NCAN: variants seen among roughly 807,000 people sequenced by gnomAD.
The protein encoded by NCAN is neurocan core protein.
In NCAN, 47 loss-of-function variants were observed where a neutral mutation model predicts 121.8. The observed-to-expected ratio is 0.39, with a 90% CI of 0.31 to 0.49. The LOEUF (loss-of-function observed/expected upper bound fraction) is 0.49, where lower values mean the gene tolerates loss of function less well. Among genes scored for constraint, NCAN ranks in the 20% least tolerant of loss-of-function variants. NCAN has a pLI of 0.92. For missense variants in NCAN, 1,517 were observed against 1,773.4 expected (o/e 0.86, Z 2.60); for synonymous variants, 633 against 702.0 (o/e 0.90, Z 1.55).
intron 12 of NCAN, among the ~76,000 whole-genome samples, chr19:19,244,964 G>A (rs1056038736): frequency 6.6e-6 from 1 of 151,732 alleles, no homozygotes; most frequent in South Asian, 2.1e-4. Context: ...CGCCCACCTC[G>A]GCCTCCCAGA....
rs549273380 is a variant in NCAN, at chr19:19,239,905, C to T, written c.3410-698C>T. 1.0e-4 allele frequency among the ~76,000 whole-genome samples: 14 copies of T among 139,272 alleles called. No homozygotes were observed. In the South Asian group the frequency reaches 3.5e-3, roughly 35 times the overall value. The allele number at this position is 139,272 out of a possible 152,430, so 91.4% of individuals were successfully genotyped here. A position where few individuals can be genotyped will look rare whatever the true frequency, so the allele number is the denominator to read the frequency against. ...CTTTCTCCTCCTTTCTCCTTCCCTTCCTCCTCCCTCTTCTCTCCTTCCTCC... is the reference window on the plus strand; with the variant it reads ...CTTTCTCCTCCTTTCTCCTTCCCTTTCTCCTCCCTCTTCTCTCCTTCCTCC... On this transcript the variant is annotated intron_variant, in intron 11 of 14. Coordinates refer to ENST00000252575, the MANE Select transcript of NCAN (RefSeq NM_004386.3).
chr19:19,225,363 A>G lies in NCAN; in HGVS notation c.1072+93A>G. On this transcript the variant is annotated intron_variant, in intron 6 of 14. Transcript: ENST00000252575. The surrounding 1 kb of genome is among the most constrained non-coding windows in gnomAD (Gnocchi z 4.0). The stretch of plus-strand genomic sequence containing the variant: ...CCTCGCCAAGCCAAGGGAGAGACAC[A>G]TGGAAGCTCGCTTTGTGATAAGCCA... 7.3e-7 allele frequency: 1 copy of G among 1,369,612 alleles called. No individual in the cohort carries two copies. The highest frequency in any genetic ancestry group is 9.5e-7 in the Non-Finnish European group (1 of 1,055,736). 84.8% of individuals were successfully genotyped at this position (1,369,612 alleles called of 1,614,324 possible).
intron 1 of NCAN, among the ~76,000 whole-genome samples, chr19:19,214,899 C>T (rs890517783): frequency 3.9e-5 from 6 of 152,152 alleles, no homozygotes; most frequent in African/African-American, 1.4e-4. Flanking sequence ...CCCACACTTG[C>T]TCAGGGTTCC....
In NCAN at chr19:19,224,171, G is replaced by A; in HGVS notation, c.626G>A (p.Gly209Asp). 6.3e-7 allele frequency: 1 copy of A among 1,594,862 alleles called. No homozygotes were observed. Among genetic ancestry groups the A allele is most frequent in the Non-Finnish European group, 8.6e-7 (1 of 1,165,616 alleles). ...GATGGCTTTGACAACTGTGATGCTG[G>A]CTGGCTCTCTGACCGCACTGTTCGG... ...FEDGFDNCDAGWLSDRTVRYP... is the reference protein window; with the variant it reads ...FEDGFDNCDADWLSDRTVRYP... Residue 209 changes from glycine to aspartate, a missense_variant, in exon 4 of 15, where the codon GGC becomes GAC. Transcript: ENST00000252575.
At chr19:19,244,799 G>A (rs1209299809) in intron 12 of NCAN, among the ~76,000 whole-genome samples, 1 of 150,282 alleles carries the variant, frequency 6.7e-6, no homozygotes, top group African/African-American at 2.5e-5. Flanking sequence ...CGCAATCTCG[G>A]CTCACTGCAA....
chr19:19,238,144 C>T, intron 10 of NCAN, 109 bp from the exon 11 acceptor site: 1 of 1,453,108 alleles, frequency 6.9e-7, no homozygotes, highest in Non-Finnish European at 9.6e-7. Flanking sequence ...TGATTTCGCC[C>T]CGCAGTGACC....
intron 8 of NCAN, among the ~76,000 whole-genome samples, chr19:19,231,321 A>G (rs1342134246): frequency 6.7e-6 from 1 of 148,610 alleles, no homozygotes; most frequent in Non-Finnish European, 1.5e-5. Flanking sequence ...TCATCTGAAC[A>G]TGGGGTTTCT....
intron 13 of NCAN, 26 bp downstream of exon 13, chr19:19,245,483 CCT>C (rs747399239): frequency 1.2e-6 from 2 of 1,605,906 alleles, no homozygotes; most frequent in East Asian, 2.2e-5. Context: ...TGCTTCTTTT[CCT>C]CTCTGTCACT....
At chr19:19,215,512 G>C (rs2060793284) in intron 1 of NCAN, among the ~76,000 whole-genome samples, 1 of 152,126 alleles carries the variant, frequency 6.6e-6, no homozygotes, top group African/African-American at 2.4e-5. Context: ...ATCCCTATGG[G>C]TCCTAGCCCC....
In NCAN at chr19:19,225,054, G is replaced by A. The variant is rs1293234694; in HGVS notation, c.856G>A (p.Ala286Thr). Residue 286 changes from alanine (A) to threonine (T), a missense_variant, in exon 6 of 15, where the codon GCG (alanine) becomes ACG (threonine). Coordinates refer to ENST00000252575, the MANE Select transcript of NCAN (RefSeq NM_004386.3). This position sits in a 1 kb window ranked among gnomAD's most constrained non-coding sequence, Gnocchi z 4.0. The stretch of plus-strand genomic sequence containing the variant: ...TGCACAGTGCCGCCGCCAGGGTGCC[G>A]CGCTGGCCTCGGTGGGACAGCTGCA... ...ARAQCRRQGA[A>T]LASVGQLHLA... 4.6e-6 allele frequency: 7 copies of A among 1,514,882 alleles called. No individual in the cohort carries two copies. Among genetic ancestry groups the A allele is most frequent in the Non-Finnish European group, 6.1e-6 (7 of 1,139,414 alleles). 93.8% of individuals were successfully genotyped at this position (1,514,882 alleles called of 1,614,324 possible).
chr19:19,243,705 A>C (rs545533061), intron 12 of NCAN, among the ~76,000 whole-genome samples: 27 of 151,726 alleles, frequency 1.8e-4, no homozygotes, highest in Middle Eastern at 3.4e-3. Context: ...TCAACAAAAT[A>C]AAAATAACAA....
Position 19,252,041 on chromosome 19 carries a change from T to C in NCAN, c.*2130T>C, listed in dbSNP as rs948809093. 1 of 152,452 alleles carries C rather than the reference T, an allele frequency of 6.6e-6. No homozygotes were observed. Among genetic ancestry groups the C allele is most frequent in the African/African-American group, 2.4e-5 (1 of 41,444 alleles). 9.4% of individuals were successfully genotyped at this position (152,452 alleles called of 1,614,324 possible). A position where few individuals can be genotyped will look rare whatever the true frequency, so the allele number is the denominator to read the frequency against. ...AAAGTGGGCGGTTTGTCTTTTGATC[T>C]TTCCCTTTTGGATGTGCGTGTGTGT... On this transcript the variant is annotated 3_prime_UTR_variant, in exon 15 of 15. Coordinates refer to ENST00000252575, the MANE Select transcript of NCAN (RefSeq NM_004386.3).
intron 10 of NCAN, among the ~76,000 whole-genome samples, chr19:19,237,633 C>T (rs1422645084): frequency 6.6e-6 from 1 of 152,066 alleles, no homozygotes; most frequent in Non-Finnish European, 1.5e-5. Context: ...TGTCTGAGCT[C>T]CCATGTCCAT....
Position 19,212,718 on chromosome 19 carries a change from G to T in NCAN, c.-8+654G>T, listed in dbSNP as rs1407208889. On this transcript the variant is annotated intron_variant, in intron 1 of 14. Transcript: ENST00000252575. This position sits in a 1 kb window ranked among gnomAD's most constrained non-coding sequence, Gnocchi z 4.5. Reference sequence around the variant, plus strand: ...AACGTGGTTCCCCGTTATTCCCTTAGACCTTGGGTTGAGGTGTTGTCCCTT... The same window carrying T: ...AACGTGGTTCCCCGTTATTCCCTTATACCTTGGGTTGAGGTGTTGTCCCTT... Among the ~76,000 whole-genome samples the T allele has an allele frequency of 6.6e-6, 1 of 152,176 alleles. No individual in the cohort carries two copies. The highest frequency in any genetic ancestry group is 2.4e-5 in the African/African-American group (1 of 41,430).
chr19:19,247,413 C>T (rs1346558451), intron 13 of NCAN, among the ~76,000 whole-genome samples: 1 of 152,148 alleles, frequency 6.6e-6, no homozygotes, highest in Admixed American at 6.6e-5. Context: ...GCTGCCACAC[C>T]CAGCTAATTT....
At position 19,226,844 on chromosome 19, in the gene NCAN, TAGG is replaced by T. The variant is rs762483802; in HGVS notation, c.1434_1436del (p.Arg480del). 5 of 1,613,140 alleles carry T rather than the reference TAGG, an allele frequency of 3.1e-6. No individual in the cohort carries two copies. The highest frequency in any genetic ancestry group is 4.2e-6 in the Non-Finnish European group (5 of 1,179,898). On this transcript the variant is annotated inframe_deletion, in exon 7 of 15. Coordinates refer to ENST00000252575, the MANE Select transcript of NCAN (RefSeq NM_004386.3). ...AGGTGGCCCCAACTGACCCTATGCCTAGGAGAAGGGGGCGCTTCAAAGGGTTGA... is the reference window on the plus strand; with the variant it reads ...AGGTGGCCCCAACTGACCCTATGCCTAGAAGGGGGCGCTTCAAAGGGTTGA...
At position 19,249,874 on chromosome 19, in the gene NCAN, C is replaced by T. The variant is rs200989515; in HGVS notation, c.3929C>T (p.Thr1310Met). The T allele has an allele frequency of 2.4e-4, 382 of 1,614,068 alleles. No individual in the cohort carries two copies. The highest frequency in any genetic ancestry group is 2.9e-4 in the Non-Finnish European group (347 of 1,179,994). ...KERRKHKKHP[T>M]EDWEKDEGNF... is the part of the protein sequence containing the mutation. ...CGCAGAAAACACAAGAAACACCCAA[C>T]GGAGGACTGGGAGAAGGACGAAGGG... Residue 1310 changes from threonine to methionine, a missense_variant, in exon 15 of 15, where the codon ACG becomes ATG. Transcript: ENST00000252575.
intron 3 of NCAN, among the ~76,000 whole-genome samples, chr19:19,219,563 C>T (rs2060808549): frequency 7.0e-6 from 1 of 142,456 alleles, no homozygotes. Context: ...GGCATGGTGG[C>T]ACATGCCTGT....
At chr19:19,222,550 A>T (rs1046766613) in intron 3 of NCAN, among the ~76,000 whole-genome samples, 2 of 151,520 alleles carry the variant, frequency 1.3e-5, no homozygotes, top group African/African-American at 4.8e-5. Context: ...AAGTGCTGGG[A>T]TTACAGGCAT....
Sources: gnomAD v4.1 joint callset for allele counts (sites outside exome capture counted in the v4.1 genomes callset) on GRCh38, gnomAD v4.1.1 for gene constraint, Gnocchi (gnomAD v3.1) non-coding constraint, MANE v1.5 for transcripts, NCBI Gene and HGNC (gene_info 2026-07-23, HGNC 2026-07-21) for gene names.